REEP3: variants seen among roughly 807,000 people sequenced by gnomAD.
REEP3 encodes the protein receptor accessory protein 3.
A neutral mutation model predicts 41.3 loss-of-function variants in REEP3; 20 were observed. The ratio of observed to expected loss-of-function variants is 0.48; its 90% CI spans 0.34 to 0.70. The LOEUF is 0.70. REEP3 is among the 30% of genes least tolerant of loss of function. The pLI, the probability that REEP3 is intolerant of heterozygous loss-of-function variation, is 0.01. For synonymous variants in REEP3, 104 were observed against 101.8 expected, an observed-to-expected ratio of 1.02 and a Z score of -0.13; for missense variants, 271 against 308.8, an observed-to-expected ratio of 0.88 and a Z score of 0.92.
chr10:63,579,049 G>T (rs902475145), intron 2 of REEP3, among the ~76,000 whole-genome samples: 1 of 148,356 alleles, frequency 6.7e-6, no homozygotes, highest in African/African-American at 2.5e-5. Flanking sequence ...TTTGGGGGGG[G>T]GGAGATGGAG....
At chr10:63,544,436 A>T (rs1295704406) in intron 1 of REEP3, among the ~76,000 whole-genome samples, 1 of 152,244 alleles carries the variant, frequency 6.6e-6, no homozygotes, top group East Asian at 1.9e-4. Context: ...ACATGGGAAC[A>T]GATATGAAAG....
intron 6 of REEP3, among the ~76,000 whole-genome samples, chr10:63,611,882 A>G (rs1021282297): frequency 5.3e-5 from 8 of 151,274 alleles, no homozygotes; most frequent in African/African-American, 1.9e-4. Context: ...TGAGGCTGCA[A>G]TGAGCCATGA....
Position 63,624,013 on chromosome 10 carries a change from CT to C in REEP3, c.*3147del, listed in dbSNP as rs1846221406. The C allele has an allele frequency of 6.6e-6, 1 of 151,698 alleles. No individual in the cohort carries two copies. Among genetic ancestry groups the C allele is most frequent in the Admixed American group, 6.6e-5 (1 of 15,212 alleles). 9.4% of individuals were successfully genotyped at this position (151,698 alleles called of 1,614,324 possible). ...CTTTTTTAGAATAACACAGTCTGTG[CT>C]TTCCAAAAATGCTTGAACTTTTATG... is the stretch of plus-strand genomic sequence containing the variant. On this transcript the variant is annotated 3_prime_UTR_variant, in exon 8 of 8. Transcript: ENST00000373758.
chr10:63,591,614 A>T (rs940558252), intron 2 of REEP3, among the ~76,000 whole-genome samples: 1 of 152,222 alleles, frequency 6.6e-6, no homozygotes, highest in African/African-American at 2.4e-5. Context: ...GACACTATTA[A>T]ATATTCTCAC....
Position 63,619,737 on chromosome 10 carries a change from A to C in REEP3, c.648A>C (p.Thr216=). The C allele has an allele frequency of 6.2e-7, 1 of 1,609,528 alleles. No homozygotes were observed. Among genetic ancestry groups the C allele is most frequent in the Middle Eastern group, 1.6e-4 (1 of 6,062 alleles). Residue 216 remains threonine, a synonymous_variant, in exon 7 of 8, where the codon ACA becomes ACC. Coordinates refer to ENST00000373758, the MANE Select transcript of REEP3 (RefSeq NM_001001330.3). ...EGPYSDNEML[T]HKGLRRSQSM... ...CATATTCAGATAATGAGATGTTAAC[A>C]CACAAAGGGCTTCGAAGATCGCAAA... is the stretch of plus-strand genomic sequence containing the variant.
intron 2 of REEP3, among the ~76,000 whole-genome samples, chr10:63,586,129 C>T (rs1279551069): frequency 1.3e-5 from 2 of 152,054 alleles, no homozygotes; most frequent in Non-Finnish European, 2.9e-5. Context: ...TAAATTTAGC[C>T]TAGGAGTATG....
At chr10:63,523,173 T>C (rs1342104512) in intron 1 of REEP3, among the ~76,000 whole-genome samples, 1 of 152,188 alleles carries the variant, frequency 6.6e-6, no homozygotes, top group Admixed American at 6.5e-5. Context: ...CAGTAACACG[T>C]AGTTGATCAT....
chr10:63,579,242 G>T (rs1452602198), intron 2 of REEP3, among the ~76,000 whole-genome samples: 2 of 152,026 alleles, frequency 1.3e-5, no homozygotes, highest in African/African-American at 4.8e-5. Context: ...TGTTAGCCAG[G>T]CTGATCTCAA....
intron 1 of REEP3, among the ~76,000 whole-genome samples, chr10:63,547,610 GC>G (rs1955591401): frequency 6.6e-6 from 1 of 152,104 alleles, no homozygotes; most frequent in Admixed American, 6.6e-5. Flanking sequence ...AGATTCCTGG[GC>G]CTTTATTTGT....
At chr10:63,534,094 G>A (rs987721950) in intron 1 of REEP3, among the ~76,000 whole-genome samples, 1 of 151,904 alleles carries the variant, frequency 6.6e-6, no homozygotes, top group East Asian at 1.9e-4. Context: ...GTTCTGTGTA[G>A]AGATATTCTA....
intron 3 of REEP3, among the ~76,000 whole-genome samples, chr10:63,595,645 C>T (rs1404075153): frequency 6.6e-6 from 1 of 151,770 alleles, no homozygotes; most frequent in Non-Finnish European, 1.5e-5. Flanking sequence ...GGCACGATCT[C>T]GGCTCACTGC....
At chr10:63,558,618 T>C (rs1448823383) in intron 1 of REEP3, among the ~76,000 whole-genome samples, 1 of 151,768 alleles carries the variant, frequency 6.6e-6, no homozygotes, top group Non-Finnish European at 1.5e-5. Flanking sequence ...AAGACCCCCC[T>C]CTCTACAAAA....
intron 1 of REEP3, among the ~76,000 whole-genome samples, chr10:63,565,851 T>G (rs1173468578): frequency 4.6e-5 from 7 of 152,180 alleles, no homozygotes; most frequent in Admixed American, 2.6e-4. Context: ...AAAGTTTTTA[T>G]TTTCATGAAA....
rs566175752 is a variant in REEP3, at chr10:63,621,083, G to A, written c.*214G>A. On this transcript the variant is annotated 3_prime_UTR_variant, in exon 8 of 8. Coordinates refer to ENST00000373758, the MANE Select transcript of REEP3 (RefSeq NM_001001330.3). The stretch of plus-strand genomic sequence containing the variant: ...CAGTTCTGCAAGATGTACTAAATAT[G>A]TATATTAGAAATTATAGAAAATCAT... 1 of 395,644 alleles carries A rather than the reference G, an allele frequency of 2.5e-6. No individual in the cohort carries two copies. The highest frequency in any genetic ancestry group is 4.2e-5 in the Admixed American group (1 of 24,028). The allele number at this position is 395,644 out of a possible 1,614,324, so 24.5% of individuals were successfully genotyped here. A position where few individuals can be genotyped will look rare whatever the true frequency, so the allele number is the denominator to read the frequency against.
intron 6 of REEP3, among the ~76,000 whole-genome samples, chr10:63,615,588 C>T (rs1050726169): frequency 6.6e-6 from 1 of 151,610 alleles, no homozygotes; most frequent in Non-Finnish European, 1.5e-5. Context: ...CTCTGTCGCC[C>T]AGGCTGGAGT....
chr10:63,565,977 T>G (rs2393987), intron 1 of REEP3, among the ~76,000 whole-genome samples: 4 of 151,018 alleles, frequency 2.6e-5, no homozygotes, highest in Non-Finnish European at 5.9e-5. Context: ...CTCCGTCCCC[T>G]GGGTTCACGC....
At chr10:63,616,993 T>A (rs1344442484) in intron 6 of REEP3, among the ~76,000 whole-genome samples, 1 of 152,210 alleles carries the variant, frequency 6.6e-6, no homozygotes, top group Non-Finnish European at 1.5e-5. Flanking sequence ...TGTTTCTATA[T>A]GTACATTTTT....
intron 1 of REEP3, chr10:63,562,616 G>C (rs781583316): frequency 2.2e-6 from 1 of 456,492 alleles, no homozygotes; most frequent in South Asian, 1.5e-5. Context: ...TCCCCAGCAA[G>C]AGAAGCGTAT....
chr10:63,593,292 G>A lies in REEP3; in HGVS notation c.106-1486G>A, dbSNP rs186610227. The stretch of plus-strand genomic sequence containing the variant: ...ACCTAAATTTTTTTGTCACTCATGA[G>A]GTGAGAACAAGGAAAGTGGTAGTCA... On this transcript the variant is annotated intron_variant, in intron 2 of 7. Coordinates refer to ENST00000373758, the MANE Select transcript of REEP3 (RefSeq NM_001001330.3). 8.5e-5 allele frequency among the ~76,000 whole-genome samples: 13 copies of A among 152,194 alleles called. No homozygotes were observed. In the East Asian group the frequency reaches 2.1e-3, roughly 25 times the overall value.
Sources: allele counts gnomAD v4.1 joint callset (sites outside exome capture counted in the v4.1 genomes callset), GRCh38; gene constraint gnomAD v4.1.1; transcripts MANE v1.5; gene names NCBI Gene and HGNC (gene_info 2026-07-23, HGNC 2026-07-21).